SLIT1: variants seen among roughly 807,000 people sequenced by gnomAD.
SLIT1 encodes slit guidance ligand 1.
In SLIT1, 66 loss-of-function variants were observed where a neutral mutation model predicts 186.1. That is an observed-to-expected ratio of 0.35 (90% confidence interval 0.29 to 0.44). The LOEUF is 0.44. Ranked by LOEUF, SLIT1 falls within the 20% of genes least tolerant of loss-of-function variation. The probability of loss-of-function intolerance (pLI) is 1.00; values close to 1 mark genes in which losing one functional copy is unlikely to be tolerated. For synonymous variants in SLIT1, 761 were observed against 833.8 expected (o/e 0.91, Z 1.50); for missense variants, 1,638 against 2,037.4 (o/e 0.80, Z 3.77).
At chr10:97,096,825 GAA>G (rs1230545890) in intron 4 of SLIT1, among the ~76,000 whole-genome samples, 1 of 152,224 alleles carries the variant, frequency 6.6e-6, no homozygotes, top group Non-Finnish European at 1.5e-5. Context: ...GCCTGGGTGT[GAA>G]AAGACTCATA....
chr10:97,069,219 C>A (rs562975872), intron 4 of SLIT1, among the ~76,000 whole-genome samples: 29 of 152,196 alleles, frequency 1.9e-4, no homozygotes, highest in African/African-American at 7.0e-4. Context: ...CATGGTCATG[C>A]GAGTTCCTCA....
Position 97,063,633 on chromosome 10 carries a change from G to C in SLIT1, c.630-15C>G. The C allele has an allele frequency of 1.3e-6, 2 of 1,585,692 alleles. No homozygotes were observed. Among genetic ancestry groups the C allele is most frequent in the South Asian group, 2.4e-5 (2 of 84,138 alleles). On this transcript the variant is annotated splice_polypyrimidine_tract_variant and intron_variant, in intron 7 of 36. Coordinates refer to ENST00000266058, the MANE Select transcript of SLIT1 (RefSeq NM_003061.3). The stretch of plus-strand genomic sequence containing the variant: ...AGTGCAGGCGGCTGCAAGAGGACAG[G>C]ATGGCTCACAACCCATCTGGATCCC...
At chr10:97,093,739 T>C (rs1236589330) in intron 4 of SLIT1, among the ~76,000 whole-genome samples, 1 of 152,190 alleles carries the variant, frequency 6.6e-6, no homozygotes, top group Non-Finnish European at 1.5e-5. Context: ...CCAAACCCAA[T>C]TCCAGCGGGC....
At chr10:97,169,109 C>T (rs1850154915) in intron 1 of SLIT1, among the ~76,000 whole-genome samples, 1 of 152,108 alleles carries the variant, frequency 6.6e-6, no homozygotes, top group African/African-American at 2.4e-5. Flanking sequence ...CTAAGACAAG[C>T]AGGGAGAAAA....
rs907395602 is a variant in SLIT1 at position 97,068,307 on chromosome 10, C to A, written c.414-2221G>T. Among the ~76,000 whole-genome samples the A allele has an allele frequency of 1.4e-4, 22 of 152,190 alleles. No homozygotes were observed. The highest frequency in any genetic ancestry group is 5.1e-4 in the African/African-American group (21 of 41,512). On this transcript the variant is annotated intron_variant, in intron 4 of 36. Coordinates refer to ENST00000266058, the MANE Select transcript of SLIT1 (RefSeq NM_003061.3). This position sits in a 1 kb window ranked among gnomAD's most constrained non-coding sequence, Gnocchi z 4.2. Reference sequence around the variant, plus strand: ...TCCTGGCCATACATCTGCAAGGCACCCTTCCCCTCCCGAGCCCAGTTTCCT... The same window carrying A: ...TCCTGGCCATACATCTGCAAGGCACACTTCCCCTCCCGAGCCCAGTTTCCT...
intron 4 of SLIT1, among the ~76,000 whole-genome samples, chr10:97,119,292 C>T (rs535196649): frequency 6.6e-6 from 1 of 152,288 alleles, no homozygotes; most frequent in African/African-American, 2.4e-5. Context: ...CCCCCTTCCC[C>T]GATCCTCCCA....
At chr10:97,041,455 G>T (rs1010035685) in intron 20 of SLIT1, among the ~76,000 whole-genome samples, 16 of 149,066 alleles carry the variant, frequency 1.1e-4, no homozygotes, top group African/African-American at 3.5e-4. Context: ...GGGCCGGGGG[G>T]TAGTGGGCAA....
intron 4 of SLIT1, among the ~76,000 whole-genome samples, chr10:97,071,254 C>G (rs1311405260): frequency 6.6e-6 from 1 of 152,128 alleles, no homozygotes. Flanking sequence ...CCCACAGGGA[C>G]TCAGGGAGAT....
rs753928005 is a variant in SLIT1 at position 97,006,740 on chromosome 10, G to A, written c.3342-20C>T. 8 of 1,559,878 alleles carry A rather than the reference G, an allele frequency of 5.1e-6. No homozygotes were observed. The highest frequency in any genetic ancestry group is 3.3e-5 in the South Asian group (3 of 89,718). ...TGTCCACTGAGAGGAAAGGACATAA[G>A]TCAGAGAGGGCCAAGGAGGAAGGGA... On this transcript the variant is annotated intron_variant, in intron 31 of 36. Coordinates refer to ENST00000266058, the MANE Select transcript of SLIT1 (RefSeq NM_003061.3). The surrounding 1 kb of genome is among the most constrained non-coding windows in gnomAD (Gnocchi z 4.0).
At chr10:97,151,172 G>C (rs983737127) in intron 4 of SLIT1, among the ~76,000 whole-genome samples, 1 of 152,176 alleles carries the variant, frequency 6.6e-6, no homozygotes, top group Non-Finnish European at 1.5e-5. Flanking sequence ...TCACTCCAAG[G>C]GTTCACAGTA....
At chr10:97,143,180 C>A (rs1849782987) in intron 4 of SLIT1, among the ~76,000 whole-genome samples, 1 of 152,152 alleles carries the variant, frequency 6.6e-6, no homozygotes. Context: ...TACTTGTATA[C>A]CCATGTTCAT....
At position 97,126,772 on chromosome 10, in the gene SLIT1, G is replaced by T. The variant is rs75724919; in HGVS notation, c.413+31046C>A. Among the ~76,000 whole-genome samples, 377 of 152,284 alleles carry T rather than the reference G, an allele frequency of 2.5e-3. 1 individual carries two copies. Among genetic ancestry groups the T allele is most frequent in the Non-Finnish European group, 4.0e-3 (272 of 68,030 alleles). On this transcript the variant is annotated intron_variant, in intron 4 of 36. Transcript: ENST00000266058. ...GGTCCTGAGAGCTCACAGGCTGTTAGATCTGGAAGAACTTTCCAGAGGAAG... is the reference window on the plus strand; with the variant it reads ...GGTCCTGAGAGCTCACAGGCTGTTATATCTGGAAGAACTTTCCAGAGGAAG...
chr10:97,161,239 G>C (rs952810721), intron 3 of SLIT1, among the ~76,000 whole-genome samples: 1 of 152,174 alleles, frequency 6.6e-6, no homozygotes, highest in Non-Finnish European at 1.5e-5. Context: ...GGTGGAGCCA[G>C]GTTGGGTCAG....
At chr10:97,056,054 A>G (rs1848833250) in intron 13 of SLIT1, among the ~76,000 whole-genome samples, 1 of 152,224 alleles carries the variant, frequency 6.6e-6, no homozygotes, top group Non-Finnish European at 1.5e-5. Context: ...TTAATCTCAT[A>G]ACAACCCTAT....
chr10:97,113,400 G>A (rs1011790206), intron 4 of SLIT1, among the ~76,000 whole-genome samples: 1 of 150,840 alleles, frequency 6.6e-6, no homozygotes, highest in Non-Finnish European at 1.5e-5. Context: ...CACCACACCC[G>A]GCTAATTTTG....
intron 4 of SLIT1, among the ~76,000 whole-genome samples, chr10:97,140,175 G>A (rs577418834): frequency 1.6e-4 from 25 of 152,150 alleles, no homozygotes; most frequent in African/African-American, 4.8e-4. Flanking sequence ...CTGCCAAGGC[G>A]GGTGTCTCGC....
At chr10:97,171,895 C>T (rs1024310376) in intron 1 of SLIT1, among the ~76,000 whole-genome samples, 12 of 152,054 alleles carry the variant, frequency 7.9e-5, no homozygotes, top group African/African-American at 2.9e-4. Flanking sequence ...CCCAGCCTGC[C>T]CCATGCTCCT....
At chr10:97,151,307 G>A (rs1269797912) in intron 4 of SLIT1, among the ~76,000 whole-genome samples, 1 of 143,478 alleles carries the variant, frequency 7.0e-6, no homozygotes, top group Non-Finnish European at 1.5e-5. Context: ...GGAGTTGGGA[G>A]ATAGAAGGGT....
chr10:97,067,217 C>T (rs1221291855), intron 4 of SLIT1, among the ~76,000 whole-genome samples: 1 of 152,152 alleles, frequency 6.6e-6, no homozygotes, highest in Non-Finnish European at 1.5e-5. Flanking sequence ...CGCCCTGCTG[C>T]GAGGGGAGGG....
Sources: gnomAD v4.1 joint callset for allele counts (sites outside exome capture counted in the v4.1 genomes callset) on GRCh38, gnomAD v4.1.1 for gene constraint, Gnocchi (gnomAD v3.1) non-coding constraint, MANE v1.5 for transcripts, NCBI Gene and HGNC (gene_info 2026-07-23, HGNC 2026-07-21) for gene names.